The following ANP32A variants were observed in gnomAD, a reference collection of about 807,000 sequenced individuals.
ANP32A encodes acidic nuclear phosphoprotein 32 family member A.
ANP32A carries 1 observed loss-of-function variant against 33.9 expected under a neutral mutation model. The ratio of observed to expected loss-of-function variants is 0.03; its 90% CI spans 0.01 to 0.14. The LOEUF is 0.14. Ranked by LOEUF, ANP32A falls within the 10% of genes least tolerant of loss-of-function variation. The pLI is 1.00. For missense variants in ANP32A, 155 were observed against 306.0 expected (o/e 0.51, Z 3.68); for synonymous variants, 115 against 120.5 (o/e 0.95, Z 0.30).
Position 68,799,414 on chromosome 15 carries a change from T to C in ANP32A, c.55-11495A>G, listed in dbSNP as rs1166424119. On this transcript the variant is annotated intron_variant, in intron 1 of 6. Transcript: ENST00000465139. ...AGAACCTTACCTACACTTGTTGTTT[T>C]TTAAAAAGAGTGCAGGTTGAGTTCA... is the stretch of plus-strand genomic sequence containing the variant. Among the ~76,000 whole-genome samples, 3 of 152,332 alleles carry C rather than the reference T, an allele frequency of 2.0e-5. No homozygotes were observed. In the East Asian group the frequency reaches 5.8e-4, roughly 29 times the overall value.
chr15:68,789,893 C>G (rs949258452), intron 1 of ANP32A: 1 of 152,368 alleles, frequency 6.6e-6, no homozygotes, highest in Non-Finnish European at 1.5e-5. Flanking sequence ...TTTCCCACCC[C>G]CTCAGTCCCT....
chr15:68,812,950 TA>T (rs751487553), intron 1 of ANP32A: 2 of 152,352 alleles, frequency 1.3e-5, no homozygotes, highest in South Asian at 2.1e-4. Flanking sequence ...ACTTACTTAA[TA>T]GCAAAGCCGA....
intron 4 of ANP32A, among the ~76,000 whole-genome samples, chr15:68,784,119 T>A (rs549431384): frequency 6.6e-6 from 1 of 152,206 alleles, no homozygotes; most frequent in Non-Finnish European, 1.5e-5. Flanking sequence ...TATTATGCAG[T>A]TGGAGAATCT....
chr15:68,795,125 G>T (rs1894046904), intron 1 of ANP32A, among the ~76,000 whole-genome samples: 1 of 152,098 alleles, frequency 6.6e-6, no homozygotes, highest in East Asian at 1.9e-4. Flanking sequence ...GAAGACCATG[G>T]AATTAACAGA....
At chr15:68,810,465 T>G (rs1420299044) in intron 1 of ANP32A, among the ~76,000 whole-genome samples, 3 of 151,978 alleles carry the variant, frequency 2.0e-5, no homozygotes, top group Non-Finnish European at 4.4e-5. Flanking sequence ...TGGGTTCCCT[T>G]TGGACTTAAG....
At chr15:68,813,765 A>G (rs11635552) in intron 1 of ANP32A, among the ~76,000 whole-genome samples, 119,140 of 152,170 alleles carry the variant, frequency 0.78, 51,415 homozygotes, top group Non-Finnish European at 0.96. Flanking sequence ...TCATTGGGCC[A>G]GGGCCCAATC....
At chr15:68,808,645 T>C (rs540290693) in intron 1 of ANP32A, among the ~76,000 whole-genome samples, 88 of 152,332 alleles carry the variant, frequency 5.8e-4, no homozygotes, top group South Asian at 2.1e-3. Flanking sequence ...AAGGTGACAG[T>C]TGGTTACATA....
chr15:68,789,853 T>G (rs1437019456), intron 1 of ANP32A: 2 of 152,448 alleles, frequency 1.3e-5, no homozygotes, highest in African/African-American at 4.8e-5. Context: ...CCCACCTTCC[T>G]GTTGGGTCTG....
chr15:68,800,695 G>A, intron 1 of ANP32A, among the ~76,000 whole-genome samples: 1 of 3,006 alleles, frequency 3.3e-4, no homozygotes, highest in Non-Finnish European at 2.3e-3. Context: ...AGTGAGCCGA[G>A]ATCCCGCCAC....
At position 68,780,096 on chromosome 15, in the gene ANP32A, T is replaced by G. The variant is rs1893847991; in HGVS notation, c.735A>C (p.Gly245=). 1.9e-6 allele frequency: 3 copies of G among 1,613,544 alleles called. No homozygotes were observed. Among genetic ancestry groups the G allele is most frequent in the Non-Finnish European group, 2.5e-6 (3 of 1,179,678 alleles). ...GTTATTCCACTTAGTCATCATCTTC[T>G]CCCTCATCTTCAGGTTCTCGTTTTC... The part of the protein sequence containing the change: ...QKRKREPEDE[G]EDDD The change falls in exon 7 of 7, where the codon GGA becomes GGC. Residue 245 remains glycine, a synonymous_variant. Transcript: ENST00000465139. This position sits in a 1 kb window ranked among gnomAD's most constrained non-coding sequence, Gnocchi z 4.3.
At chr15:68,816,246 C>G (rs1212747038) in intron 1 of ANP32A, among the ~76,000 whole-genome samples, 27 of 152,168 alleles carry the variant, frequency 1.8e-4, no homozygotes. Context: ...CTCTTCCTTA[C>G]AGTATCTTAA....
intron 1 of ANP32A, among the ~76,000 whole-genome samples, chr15:68,788,755 A>G (rs139967530): frequency 6.6e-6 from 1 of 152,294 alleles, no homozygotes; most frequent in Admixed American, 6.5e-5. Flanking sequence ...CAAACTTAGG[A>G]TGGGCCCATA....
intron 3 of ANP32A, chr15:68,787,115 C>T (rs548486667): frequency 8.5e-6 from 3 of 353,340 alleles, no homozygotes; most frequent in Non-Finnish European, 1.6e-5. Flanking sequence ...GCTCAGGTTT[C>T]CAAAGCTGAG....
intron 3 of ANP32A, 128 bp downstream of exon 3, chr15:68,787,285 A>G (rs1443056661): frequency 7.6e-7 from 1 of 1,318,652 alleles, no homozygotes; most frequent in Non-Finnish European, 1.1e-6. Flanking sequence ...GCTCAATTCT[A>G]TCTCATAGCA....
At chr15:68,811,603 G>A (rs1233563371) in intron 1 of ANP32A, among the ~76,000 whole-genome samples, 1 of 152,202 alleles carries the variant, frequency 6.6e-6, no homozygotes, top group Non-Finnish European at 1.5e-5. Context: ...ACTACCTAGA[G>A]TCCAATGTCA....
At chr15:68,806,591 T>A (rs988399445) in intron 1 of ANP32A, among the ~76,000 whole-genome samples, 3 of 152,224 alleles carry the variant, frequency 2.0e-5, no homozygotes, top group African/African-American at 7.2e-5. Context: ...CAGAAAGGCA[T>A]GTCTGCAACA....
chr15:68,803,719 T>G (rs2140368534), intron 1 of ANP32A, among the ~76,000 whole-genome samples: 1 of 150,206 alleles, frequency 6.7e-6, no homozygotes, highest in South Asian at 2.1e-4. Flanking sequence ...AAGTATTAAA[T>G]AATAAATAGA....
chr15:68,792,666 G>A (rs977592714), intron 1 of ANP32A, among the ~76,000 whole-genome samples: 1 of 152,074 alleles, frequency 6.6e-6, no homozygotes, highest in Non-Finnish European at 1.5e-5. Flanking sequence ...CTGTCACCTC[G>A]AGTCACTTCA....
At position 68,783,001 on chromosome 15, in the gene ANP32A, A is replaced by C. The variant is rs79955319; in HGVS notation, c.579T>G (p.Asp193Glu). The C allele has an allele frequency of 9.0e-5, 140 of 1,551,006 alleles. 1 individual carries two copies. The highest frequency in any genetic ancestry group is 1.1e-4 in the Non-Finnish European group (130 of 1,146,364). The change falls in exon 5 of 7, where the codon GAT becomes GAG. Residue 193 changes from aspartate to glutamate, a missense_variant. Transcript: ENST00000465139. ...AQVVEDEEDE[D>E]EEEEGEEEDV... ...CCTCCTCTTCACCTTCCTCCTCCTC[A>C]TCCTCGTCCTCCTCGTCTTCCACTA...
Sources: allele counts gnomAD v4.1 joint callset (sites outside exome capture counted in the v4.1 genomes callset), GRCh38; gene constraint gnomAD v4.1.1; non-coding constraint Gnocchi (gnomAD v3.1); transcripts MANE v1.5; gene names NCBI Gene and HGNC (gene_info 2026-07-23, HGNC 2026-07-21).